Variants in GNAQ observed in about 807,000 individuals in gnomAD.
GNAQ encodes G protein subunit alpha q.
Under a neutral mutation model 43.9 loss-of-function variants are expected in GNAQ, and 8 were observed. The observed-to-expected ratio is 0.18, with a 90% CI of 0.11 to 0.33. The LOEUF (loss-of-function observed/expected upper bound fraction) is 0.33, where lower values mean the gene tolerates loss of function less well. Ranked by LOEUF, GNAQ falls within the 10% of genes least tolerant of loss-of-function variation. The pLI is 1.00. For synonymous variants in GNAQ, 155 were observed against 170.7 expected (o/e 0.91, Z 0.71); for missense variants, 158 against 450.8 (o/e 0.35, Z 5.88).
chr9:77,891,981 C>T (rs1272297937), intron 2 of GNAQ, among the ~76,000 whole-genome samples: 2 of 152,154 alleles, frequency 1.3e-5, no homozygotes, highest in Non-Finnish European at 2.9e-5. Context: ...TTCACCAAAC[C>T]CTGCCTTTTT....
intron 1 of GNAQ, among the ~76,000 whole-genome samples, chr9:78,022,998 A>C (rs1472367967): frequency 6.6e-6 from 1 of 152,218 alleles, no homozygotes; most frequent in African/African-American, 2.4e-5. Flanking sequence ...TCAAATCATT[A>C]AGTGAGGAAG....
intron 5 of GNAQ, among the ~76,000 whole-genome samples, chr9:77,760,351 C>A (rs1292432720): frequency 6.6e-6 from 1 of 152,104 alleles, no homozygotes; most frequent in Non-Finnish European, 1.5e-5. Context: ...CGAGTGCAGG[C>A]GCGCGCCGCC....
chr9:77,892,291 T>C (rs1295017972), intron 2 of GNAQ, among the ~76,000 whole-genome samples: 1 of 152,168 alleles, frequency 6.6e-6, no homozygotes, highest in Non-Finnish European at 1.5e-5. Flanking sequence ...TCTGCAGCTC[T>C]TCCCCTTTCA....
intron 1 of GNAQ, among the ~76,000 whole-genome samples, chr9:77,996,967 C>T (rs1485756626): frequency 2.6e-5 from 4 of 152,224 alleles, no homozygotes; most frequent in African/African-American, 7.2e-5. Context: ...GTATTTACTA[C>T]TCCTAGGCCC....
intron 1 of GNAQ, among the ~76,000 whole-genome samples, chr9:77,989,879 G>A (rs867174554): frequency 6.6e-6 from 1 of 152,288 alleles, no homozygotes. Context: ...TTGCACAAAT[G>A]AATAAACAGA....
chr9:78,014,888 T>C (rs926329562), intron 1 of GNAQ, among the ~76,000 whole-genome samples: 2 of 152,160 alleles, frequency 1.3e-5, no homozygotes, highest in African/African-American at 4.8e-5. Context: ...TCCCACAAGA[T>C]TATAATGGAG....
Position 77,885,996 on chromosome 9 carries a change from GACA to G in GNAQ, c.321+36162_321+36164del, listed in dbSNP as rs902367701. 3.9e-3 allele frequency among the ~76,000 whole-genome samples: 252 copies of G among 64,180 alleles called. 2 individuals carry two copies. The highest frequency in any genetic ancestry group is 0.015 in the African/African-American group (215 of 14,070). 42.1% of individuals were successfully genotyped at this position (64,180 alleles called of 152,430 possible). On this transcript the variant is annotated intron_variant, in intron 2 of 6. Transcript: ENST00000286548. ...AAGAAAGGCAGGACCTTTTTTTTGAGACAAGAGTCTTGCTCTCTCACCCAGGCT... is the reference window on the plus strand; with the variant it reads ...AAGAAAGGCAGGACCTTTTTTTTGAGAGAGTCTTGCTCTCTCACCCAGGCT...
Position 77,884,721 on chromosome 9 carries a change from T to C in GNAQ, c.321+37440A>G, listed in dbSNP as rs1204147202. On this transcript the variant is annotated intron_variant, in intron 2 of 6. Transcript: ENST00000286548. ...GTTCACTCGGGAAGCATAGTTTGCA[T>C]CTCAGTACACCCATCTACCCCATCA... Among the ~76,000 whole-genome samples, 6 of 152,156 alleles carry C rather than the reference T, an allele frequency of 3.9e-5. No homozygotes were observed. The East Asian group carries it at 1.2e-3, about 29-fold the overall frequency.
intron 2 of GNAQ, among the ~76,000 whole-genome samples, chr9:77,901,686 C>T (rs1239238335): frequency 1.3e-5 from 2 of 152,222 alleles, no homozygotes; most frequent in Non-Finnish European, 2.9e-5. Context: ...GGTTTGAACG[C>T]TACCATCCTA....
At chr9:77,739,021 G>A (rs115443740) in intron 5 of GNAQ, among the ~76,000 whole-genome samples, 1,878 of 152,158 alleles carry the variant, frequency 0.012, 40 homozygotes, top group African/African-American at 0.042. Context: ...AATTTTCTAT[G>A]TAACAGCCTA....
chr9:77,751,768 G>A (rs895576780), intron 5 of GNAQ, among the ~76,000 whole-genome samples: 2 of 151,952 alleles, frequency 1.3e-5, no homozygotes, highest in African/African-American at 4.8e-5. Context: ...AGGAAACGAG[G>A]CAAGGAACAG....
At chr9:77,839,334 A>C (rs1257074018) in intron 2 of GNAQ, among the ~76,000 whole-genome samples, 1 of 152,340 alleles carries the variant, frequency 6.6e-6, no homozygotes, top group Admixed American at 6.5e-5. Flanking sequence ...GTTTGAGACT[A>C]AGATAATTAA....
At chr9:77,865,403 C>T (rs1336205144) in intron 2 of GNAQ, among the ~76,000 whole-genome samples, 1 of 152,210 alleles carries the variant, frequency 6.6e-6, no homozygotes, top group Non-Finnish European at 1.5e-5. Context: ...ATCACATAAT[C>T]TGTATCCTGA....
chr9:77,878,279 C>T (rs1828158019), intron 2 of GNAQ, among the ~76,000 whole-genome samples: 1 of 149,096 alleles, frequency 6.7e-6, no homozygotes, highest in Non-Finnish European at 1.5e-5. Context: ...ACAATCCAAC[C>T]AAAAATTTTA....
At chr9:77,822,109 T>A (rs1222166678) in intron 2 of GNAQ, among the ~76,000 whole-genome samples, 2 of 152,176 alleles carry the variant, frequency 1.3e-5, no homozygotes, top group Non-Finnish European at 2.9e-5. Flanking sequence ...GCAATGGCCC[T>A]TACCTAGAAA....
rs1426144385 is a variant in GNAQ at position 77,912,193 on chromosome 9, C to A, written c.321+9968G>T. 1.3e-5 allele frequency among the ~76,000 whole-genome samples: 2 copies of A among 152,106 alleles called. 1 individual carries two copies. Among genetic ancestry groups the A allele is most frequent in the East Asian group, 3.9e-4 (2 of 5,178 alleles). On this transcript the variant is annotated intron_variant, in intron 2 of 6. Transcript: ENST00000286548. The stretch of plus-strand genomic sequence containing the variant: ...TCATTAATAGAGCACAGCAGTGGCA[C>A]AAAGATATACAAAATAGATCAATGG...
chr9:77,984,938 T>C (rs1410265777), intron 1 of GNAQ, among the ~76,000 whole-genome samples: 5 of 152,212 alleles, frequency 3.3e-5, no homozygotes, highest in Admixed American at 6.5e-5. Flanking sequence ...GGACTACCAT[T>C]TGAGGATCCT....
At chr9:78,013,041 C>T (rs1416506435) in intron 1 of GNAQ, among the ~76,000 whole-genome samples, 2 of 152,154 alleles carry the variant, frequency 1.3e-5, no homozygotes, top group Non-Finnish European at 2.9e-5. Context: ...GAGTAAACTA[C>T]TTCAGGATTA....
chr9:77,897,117 G>A (rs531475345), intron 2 of GNAQ, among the ~76,000 whole-genome samples: 66 of 152,292 alleles, frequency 4.3e-4, no homozygotes, highest in Admixed American at 1.2e-3. Context: ...GTGCCAAACC[G>A]GGGTAATTCT....
Sources: gnomAD v4.1 joint callset for allele counts (sites outside exome capture counted in the v4.1 genomes callset) on GRCh38, gnomAD v4.1.1 for gene constraint, MANE v1.5 for transcripts, NCBI Gene and HGNC (gene_info 2026-07-23, HGNC 2026-07-21) for gene names.